HSPA12A: variants seen among roughly 807,000 people sequenced by gnomAD.
HSPA12A encodes heat shock 70 kDa protein 12A.
Under a neutral mutation model 69.2 loss-of-function variants are expected in HSPA12A, and 28 were observed. The observed-to-expected ratio is 0.40, with a 90% CI of 0.30 to 0.55. The LOEUF (loss-of-function observed/expected upper bound fraction) is 0.55. HSPA12A is among the 20% of genes least tolerant of loss of function. HSPA12A has a pLI of 0.38. For synonymous variants in HSPA12A, 345 were observed against 370.5 expected (o/e 0.93, Z 0.79); for missense variants, 686 against 900.7 (o/e 0.76, Z 3.05).
chr10:116,695,322 G>GTGGGGCCTAATGGGAGA (rs1251135432), intron 5 of HSPA12A, among the ~76,000 whole-genome samples: 3 of 152,170 alleles, frequency 2.0e-5, no homozygotes, highest in Non-Finnish European at 4.4e-5. Flanking sequence ...TGAGTGGGAG[G>GTGGGGCCTAATGGGAGA]TGGGGCCTAA....
chr10:116,679,531 T>C lies in HSPA12A; in HGVS notation c.1258A>G (p.Ser420Gly). The C allele has an allele frequency of 6.2e-7, 1 of 1,614,076 alleles. No homozygotes were observed. The highest frequency in any genetic ancestry group is 8.5e-7 in the Non-Finnish European group (1 of 1,180,018). The change falls in exon 10 of 12, where the codon AGT becomes GGT. Residue 420 changes from serine (S) to glycine (G), a missense_variant. By Grantham distance (56) the Ser-to-Gly change is moderately conservative. Coordinates refer to ENST00000369209, the MANE Select transcript of HSPA12A (RefSeq NM_025015.3). ...CTTTTCCGCAAGGCGTGCTCCACACTGTGCCCGCGGAACTTCTTGTAGTAG... is the reference window on the plus strand; with the variant it reads ...CTTTTCCGCAAGGCGTGCTCCACACCGTGCCCGCGGAACTTCTTGTAGTAG... ...IDYYKKFRGH[S>G]VEHALRKSNV...
At chr10:116,795,521 A>AG (rs927563335) in intron 2 of HSPA12A, among the ~76,000 whole-genome samples, 2 of 150,692 alleles carry the variant, frequency 1.3e-5, no homozygotes, top group Non-Finnish European at 3.0e-5. Flanking sequence ...CTACTAAAAA[A>AG]AAAAAAATAC....
chr10:116,700,633 G>A (rs1460847073), intron 4 of HSPA12A, among the ~76,000 whole-genome samples: 1 of 152,162 alleles, frequency 6.6e-6, no homozygotes. Context: ...CACAGCAGGA[G>A]GGCCCCAGCA....
chr10:116,693,029 G>A (rs1298955508), intron 5 of HSPA12A, among the ~76,000 whole-genome samples: 2 of 152,176 alleles, frequency 1.3e-5, no homozygotes, highest in Non-Finnish European at 2.9e-5. Context: ...CAGTTAGAAA[G>A]TAGCAGAGCC....
chr10:116,790,492 G>C (rs541176424), intron 2 of HSPA12A, among the ~76,000 whole-genome samples: 183 of 152,080 alleles, frequency 1.2e-3, no homozygotes, highest in Non-Finnish European at 2.0e-3. Context: ...TGTTCCTGAC[G>C]CTCCCCGAAC....
Position 116,672,975 on chromosome 10 carries a change from A to G in HSPA12A, c.*1806T>C, listed in dbSNP as rs910112074. 5.9e-5 allele frequency: 9 copies of G among 152,666 alleles called. No homozygotes were observed. Among genetic ancestry groups the G allele is most frequent in the Non-Finnish European group, 1.3e-4 (9 of 68,038 alleles). 9.5% of individuals were successfully genotyped at this position (152,666 alleles called of 1,614,324 possible). A position where few individuals can be genotyped will look rare whatever the true frequency, so the allele number is the denominator to read the frequency against. The stretch of plus-strand genomic sequence containing the variant: ...CAGCAGGCGATGCGAAAAAGAAGAC[A>G]TGGTCAAATGAAATGTGAAATGCTG... On this transcript the variant is annotated 3_prime_UTR_variant, in exon 12 of 12. Transcript: ENST00000369209.
Position 116,705,235 on chromosome 10 carries a change from A to C in HSPA12A, c.170T>G (p.Val57Gly). ...SNVSEQQSFL[V>G]VVAVDFGTTS... ...GGTCCCAAAGTCGACGGCCACCACC[A>C]CGAGAAATGACTGCTGTTCTGAGAC... Residue 57 changes from valine to glycine, a missense_variant, in exon 3 of 12, where the codon GTG (valine) becomes GGG (glycine). By Grantham distance (109) the Val-to-Gly change is moderately radical. Coordinates refer to ENST00000369209, the MANE Select transcript of HSPA12A (RefSeq NM_025015.3). 3.1e-6 allele frequency: 5 copies of C among 1,613,984 alleles called. No homozygotes were observed. Among genetic ancestry groups the C allele is most frequent in the Non-Finnish European group, 4.2e-6 (5 of 1,179,982 alleles).
intron 2 of HSPA12A, among the ~76,000 whole-genome samples, chr10:116,790,092 C>CTTT (rs140785704): frequency 1.4e-4 from 10 of 69,148 alleles, no homozygotes; most frequent in African/African-American, 4.1e-4. Context: ...GATAATCTTT[C>CTTT]TTTTTTTTTT....
At chr10:116,713,078 C>T (rs1443945842) in intron 1 of HSPA12A, among the ~76,000 whole-genome samples, 1 of 88,036 alleles carries the variant, frequency 1.1e-5, no homozygotes, top group Non-Finnish European at 2.5e-5. Flanking sequence ...TAAAATCAGG[C>T]TATTTAAAAA....
chr10:116,806,773 A>G (rs1489772799), intron 2 of HSPA12A, among the ~76,000 whole-genome samples: 1 of 152,228 alleles, frequency 6.6e-6, no homozygotes, highest in Admixed American at 6.5e-5. Context: ...GACAGAGGTT[A>G]GATGTGGAAG....
intron 1 of HSPA12A, among the ~76,000 whole-genome samples, chr10:116,722,275 C>T (rs542298172): frequency 6.6e-6 from 1 of 152,202 alleles, no homozygotes; most frequent in Non-Finnish European, 1.5e-5. Flanking sequence ...AATCCTCCCC[C>T]ACAGAGCCCA....
At position 116,723,497 on chromosome 10, in the gene HSPA12A, G is replaced by A. The variant is rs916663653; in HGVS notation, c.41-16212C>T. Among the ~76,000 whole-genome samples, 2 of 152,164 alleles carry A rather than the reference G, an allele frequency of 1.3e-5. No homozygotes were observed. Among genetic ancestry groups the A allele is most frequent in the African/African-American group, 4.8e-5 (2 of 41,442 alleles). On this transcript the variant is annotated intron_variant, in intron 1 of 11. Transcript: ENST00000369209. The surrounding 1 kb of genome is among the most constrained non-coding windows in gnomAD (Gnocchi z 4.1). ...CACCCTCACCAGCTCTGTCACAGAC[G>A]GGACTCTGTCTCAGGTCTCAGTTTC...
At chr10:116,695,409 T>C (rs3010470) in intron 5 of HSPA12A, among the ~76,000 whole-genome samples, 79,298 of 151,488 alleles carry the variant, frequency 0.52, 21,094 homozygotes, top group Middle Eastern at 0.64. Context: ...TGCGGCCAGG[T>C]GTGGTGGCTC....
intron 9 of HSPA12A, 135 bp from the exon 10 acceptor site, chr10:116,679,896 A>T (rs1392167047): frequency 1.2e-6 from 1 of 802,618 alleles, no homozygotes; most frequent in Non-Finnish European, 2.0e-6. Context: ...GTTTACTTAC[A>T]CTTCAGAACC....
intron 1 of HSPA12A, chr10:116,849,485 G>GA: frequency 7.0e-7 from 1 of 1,421,516 alleles, no homozygotes; most frequent in Non-Finnish European, 9.2e-7. Flanking sequence ...TGGGGGTCGG[G>GA]ATCACGTTGC....
upstream of HSPA12A, among the ~76,000 whole-genome samples, chr10:116,745,940 C>G (rs1554887776): frequency 6.6e-6 from 1 of 152,140 alleles, no homozygotes; most frequent in African/African-American, 2.4e-5. Context: ...GAGACTAGAC[C>G]TCTGAGACCA....
intron 2 of HSPA12A, among the ~76,000 whole-genome samples, chr10:116,752,963 C>A (rs1257382195): frequency 6.6e-6 from 1 of 152,198 alleles, no homozygotes; most frequent in Non-Finnish European, 1.5e-5. Context: ...AGAATGTATG[C>A]ATTTGCAAGC....
intron 1 of HSPA12A, among the ~76,000 whole-genome samples, chr10:116,713,901 T>G (rs1233946406): frequency 6.6e-6 from 1 of 152,118 alleles, no homozygotes; most frequent in African/African-American, 2.4e-5. Flanking sequence ...TCCTCCTGGC[T>G]TCTCTCCCAT....
intron 1 of HSPA12A, among the ~76,000 whole-genome samples, chr10:116,727,365 G>C (rs1419237466): frequency 6.6e-6 from 1 of 152,156 alleles, no homozygotes; most frequent in East Asian, 1.9e-4. Context: ...CTCTCCAGCA[G>C]GACGACCTGG....
Sources: allele counts gnomAD v4.1 joint callset (sites outside exome capture counted in the v4.1 genomes callset), GRCh38; gene constraint gnomAD v4.1.1; non-coding constraint Gnocchi (gnomAD v3.1); transcripts MANE v1.5; gene names NCBI Gene and HGNC (gene_info 2026-07-23, HGNC 2026-07-21).